CSMD3: variants seen among roughly 807,000 people sequenced by gnomAD.
The protein encoded by CSMD3 is CUB and Sushi multiple domains 3.
A neutral mutation model predicts 435.2 loss-of-function variants in CSMD3; 177 were observed. The observed-to-expected ratio is 0.41, with a 90% CI of 0.36 to 0.46. The LOEUF (loss-of-function observed/expected upper bound fraction) is 0.46, where lower values mean the gene tolerates loss of function less well. Among genes scored for constraint, CSMD3 ranks in the 20% least tolerant of loss-of-function variants. CSMD3 has a pLI of 0.34. For missense variants in CSMD3, 4,265 were observed against 4,504.6 expected (o/e 0.95, Z 1.52); for synonymous variants, 1,656 against 1,520.5 (o/e 1.09, Z -2.07).
chr8:113,428,285 T>A (rs11995017), intron 1 of CSMD3, among the ~76,000 whole-genome samples: 2,741 of 151,678 alleles, frequency 0.018, 93 homozygotes, highest in African/African-American at 0.06. Context: ...CGACTATTGA[T>A]CTTAAGCTTT....
At chr8:113,061,180 T>G (rs545677089) in intron 5 of CSMD3, among the ~76,000 whole-genome samples, 6 of 152,274 alleles carry the variant, frequency 3.9e-5, no homozygotes, top group Admixed American at 2.0e-4. Flanking sequence ...GGTCCCATAT[T>G]TCTCTGATCT....
intron 36 of CSMD3, among the ~76,000 whole-genome samples, chr8:112,390,205 C>A (rs1830298493): frequency 6.6e-6 from 1 of 151,616 alleles, no homozygotes; most frequent in East Asian, 1.9e-4. Context: ...TTTTCTTAAC[C>A]ACTGAAATGG....
intron 16 of CSMD3, among the ~76,000 whole-genome samples, chr8:112,678,758 T>C (rs934317964): frequency 6.6e-5 from 10 of 152,030 alleles, no homozygotes; most frequent in Admixed American, 3.3e-4. Flanking sequence ...GAAAATAAAA[T>C]AGAAGTAGAA....
At chr8:113,372,269 A>G (rs2094350305) in intron 1 of CSMD3, among the ~76,000 whole-genome samples, 2 of 152,198 alleles carry the variant, frequency 1.3e-5, no homozygotes, top group South Asian at 4.1e-4. Flanking sequence ...CAAAGTCCAT[A>G]GTTAGTATCC....
At chr8:113,316,531 C>T (rs1034877668) in intron 1 of CSMD3, among the ~76,000 whole-genome samples, 5 of 141,912 alleles carry the variant, frequency 3.5e-5, no homozygotes, top group Non-Finnish European at 6.0e-5. Flanking sequence ...GAAGCCACTT[C>T]TCTATCAAAC....
chr8:113,435,452 C>T (rs1217589802), intron 1 of CSMD3, among the ~76,000 whole-genome samples: 1 of 152,110 alleles, frequency 6.6e-6, no homozygotes, highest in African/African-American at 2.4e-5. Context: ...AGCTGCCTTC[C>T]GTGGGGGGAC....
At chr8:113,183,498 G>A (rs901213115) in intron 3 of CSMD3, among the ~76,000 whole-genome samples, 1 of 151,878 alleles carries the variant, frequency 6.6e-6, no homozygotes, top group African/African-American at 2.4e-5. Flanking sequence ...AAGCTTGGAC[G>A]GAAATGCAAC....
chr8:112,748,616 G>C (rs562364053), intron 13 of CSMD3, among the ~76,000 whole-genome samples: 1 of 152,032 alleles, frequency 6.6e-6, no homozygotes, highest in Non-Finnish European at 1.5e-5. Flanking sequence ...CCCGCAATTA[G>C]TTTACTAAGG....
Position 112,291,585 on chromosome 8 carries a change from A to T in CSMD3, c.8899T>A (p.Tyr2967Asn), listed in dbSNP as rs1306128501. 3 of 1,611,690 alleles carry T rather than the reference A, an allele frequency of 1.9e-6. No individual in the cohort carries two copies. The highest frequency in any genetic ancestry group is 1.7e-5 in the Admixed American group (1 of 59,866). The change falls in exon 56 of 71, where the codon TAT (tyrosine) becomes AAT (asparagine). Residue 2967 changes from tyrosine (Y) to asparagine (N), a missense_variant. By Grantham distance (143) the Tyr-to-Asn change is moderately radical. Coordinates refer to ENST00000297405, the MANE Select transcript of CSMD3 (RefSeq NM_198123.2). Reference sequence around the variant, plus strand: ...AAAACTGAAGATCCAAATAAAAAATATCCAGGATTGCAGTCATAGAATACC... The same window carrying T: ...AAAACTGAAGATCCAAATAAAAAATTTCCAGGATTGCAGTCATAGAATACC... ...TVVFYDCNPG[Y>N]FLFGSSVLIC...
chr8:113,126,576 G>A (rs532897294), intron 4 of CSMD3, among the ~76,000 whole-genome samples: 1 of 151,968 alleles, frequency 6.6e-6, no homozygotes, highest in African/African-American at 2.4e-5. Flanking sequence ...ATTAATAAAT[G>A]CAATTTTGAT....
rs570061709 is a variant in CSMD3, at chr8:112,496,587, A to T, written c.5084-3904T>A. 8.5e-5 allele frequency among the ~76,000 whole-genome samples: 13 copies of T among 152,348 alleles called. No individual in the cohort carries two copies. The South Asian group carries it at 2.5e-3, about 29-fold the overall frequency. ...CCACAACAGACAAATGCATAAAAAA[A>T]AGTGGCACATATATACAATGAAGTA... On this transcript the variant is annotated intron_variant, in intron 30 of 70. Coordinates refer to ENST00000297405, the MANE Select transcript of CSMD3 (RefSeq NM_198123.2).
At chr8:113,292,421 A>G (rs966006188) in intron 2 of CSMD3, among the ~76,000 whole-genome samples, 11 of 151,940 alleles carry the variant, frequency 7.2e-5, no homozygotes, top group Non-Finnish European at 1.3e-4. Flanking sequence ...CAACAAAAAT[A>G]TACATAAAAC....
intron 11 of CSMD3, among the ~76,000 whole-genome samples, chr8:112,850,648 AT>A (rs1209067475): frequency 6.6e-6 from 1 of 152,160 alleles, no homozygotes; most frequent in African/African-American, 2.4e-5. Context: ...TATTTCCTCA[AT>A]TTTTTTGTGC....
In CSMD3 at chr8:112,306,156, C is replaced by T. The variant is rs1821402196; in HGVS notation, c.7922G>A (p.Gly2641Glu). 1 of 1,613,572 alleles carries T rather than the reference C, an allele frequency of 6.2e-7. No individual in the cohort carries two copies. The highest frequency in any genetic ancestry group is 2.2e-5 in the East Asian group (1 of 44,822). ...CAAATAGTCTGTTGTTAGTATTCCTCCATTTGTTGGAGCTTTAGGAATCCC... is the reference window on the plus strand; with the variant it reads ...CAAATAGTCTGTTGTTAGTATTCCTTCATTTGTTGGAGCTTTAGGAATCCC... ...SCGIPKAPTN[G>E]GILTTDYLVG... Residue 2641 changes from glycine (G) to glutamate (E), a missense_variant, in exon 51 of 71, where the codon GGA becomes GAA. Coordinates refer to ENST00000297405, the MANE Select transcript of CSMD3 (RefSeq NM_198123.2).
intron 13 of CSMD3, among the ~76,000 whole-genome samples, chr8:112,772,546 G>A (rs1488695873): frequency 6.6e-6 from 1 of 152,038 alleles, no homozygotes; most frequent in Admixed American, 6.6e-5. Flanking sequence ...CTGAAATATG[G>A]CCTCGTGGGA....
rs2082673690 is a variant in CSMD3, at chr8:112,919,562, T to G, written c.1633+2065A>C. Among the ~76,000 whole-genome samples the G allele has an allele frequency of 2.6e-5, 4 of 151,858 alleles. No homozygotes were observed. In the South Asian group the frequency reaches 8.3e-4, roughly 31 times the overall value. The stretch of plus-strand genomic sequence containing the variant: ...TTCCTACATTAACATTAATCTCCTT[T>G]TCTCTGTCATCTATTTTCACATCCA... On this transcript the variant is annotated intron_variant, in intron 10 of 70. Transcript: ENST00000297405.
chr8:112,693,908 T>C lies in CSMD3; in HGVS notation c.1973-3858A>G, dbSNP rs569685024. ...TATATAATACACATATACACACACATTTATATATTTATATATTATAAATTT... is the reference window on the plus strand; with the variant it reads ...TATATAATACACATATACACACACACTTATATATTTATATATTATAAATTT... On this transcript the variant is annotated intron_variant, in intron 13 of 70. Coordinates refer to ENST00000297405, the MANE Select transcript of CSMD3 (RefSeq NM_198123.2). Among the ~76,000 whole-genome samples the C allele has an allele frequency of 1.7e-4, 26 of 151,652 alleles. No homozygotes were observed. In the South Asian group the frequency reaches 5.4e-3, roughly 31 times the overall value.
chr8:112,559,143 T>C (rs1336985371), intron 24 of CSMD3, among the ~76,000 whole-genome samples: 1 of 151,858 alleles, frequency 6.6e-6, no homozygotes, highest in Non-Finnish European at 1.5e-5. Flanking sequence ...GAGAAGTTAA[T>C]TTACAACTGT....
chr8:112,539,659 A>G (rs1826476987), intron 27 of CSMD3, among the ~76,000 whole-genome samples: 1 of 152,010 alleles, frequency 6.6e-6, no homozygotes, highest in Non-Finnish European at 1.5e-5. Flanking sequence ...ACACTGTGAA[A>G]GGACTTCAAT....
Sources: gnomAD v4.1 joint callset for allele counts (sites outside exome capture counted in the v4.1 genomes callset) on GRCh38, gnomAD v4.1.1 for gene constraint, MANE v1.5 for transcripts, NCBI Gene and HGNC (gene_info 2026-07-23, HGNC 2026-07-21) for gene names.